The following WDR43 variants were observed in gnomAD, a reference collection of about 807,000 sequenced individuals.
WDR43 encodes WD repeat domain 43, also known as WD repeat-containing protein 43.
Under a neutral mutation model 91.4 loss-of-function variants are expected in WDR43, and 13 were observed. That is an observed-to-expected ratio of 0.14 (90% CI 0.09 to 0.23). The LOEUF is 0.23. Ranked by LOEUF, WDR43 falls within the 10% of genes least tolerant of loss-of-function variation. WDR43 has a pLI of 1.00. For missense variants in WDR43, 780 were observed against 809.4 expected, an observed-to-expected ratio of 0.96 and a Z score of 0.44; for synonymous variants, 331 against 287.9, an observed-to-expected ratio of 1.15 and a Z score of -1.51.
intron 7 of WDR43, among the ~76,000 whole-genome samples, chr2:28,923,705 C>A (rs1304782037): frequency 6.6e-6 from 1 of 151,980 alleles, no homozygotes; most frequent in Non-Finnish European, 1.5e-5. Flanking sequence ...CCTGAGTCTC[C>A]CTCCATTGAG....
At chr2:28,910,087 T>C (rs557619693) in intron 3 of WDR43, among the ~76,000 whole-genome samples, 1 of 152,218 alleles carries the variant, frequency 6.6e-6, no homozygotes, top group South Asian at 2.1e-4. Flanking sequence ...AGATCTGATT[T>C]AGTAGGTGTA....
chr2:28,917,996 G>A lies in WDR43; in HGVS notation c.849+1G>A. ...AACTTTGTCAGAAAACAAAGAAGAG[G>A]TAAATGGCTCGATTTTTGAGAATTT... On this transcript the variant is annotated splice_donor_variant, in intron 6 of 17. Transcript: ENST00000407426. LOFTEE classifies it high-confidence loss of function. 6.4e-7 allele frequency: 1 copy of A among 1,563,188 alleles called. No individual in the cohort carries two copies.
chr2:28,930,183 G>C (rs867742592), intron 11 of WDR43: 1 of 454,510 alleles, frequency 2.2e-6, no homozygotes, highest in South Asian at 1.6e-5. Flanking sequence ...AAGAGGGTTG[G>C]GGGTTATGTT....
At chr2:28,944,318 G>C (rs1345272246) in intron 16 of WDR43, among the ~76,000 whole-genome samples, 2 of 152,040 alleles carry the variant, frequency 1.3e-5, no homozygotes, top group Non-Finnish European at 2.9e-5. Context: ...TGTAATGGAT[G>C]GGCATTTGTA....
chr2:28,945,144 T>C (rs971848414), intron 16 of WDR43, among the ~76,000 whole-genome samples: 8 of 152,176 alleles, frequency 5.3e-5, no homozygotes, highest in African/African-American at 1.9e-4. Context: ...GGAATGGGCT[T>C]AGGGAGATGG....
chr2:28,896,813 T>C (rs1670489169), intron 1 of WDR43, among the ~76,000 whole-genome samples: 1 of 152,204 alleles, frequency 6.6e-6, no homozygotes, highest in South Asian at 2.1e-4. Context: ...CTTTGTCATA[T>C]TGAGCAAGTT....
At chr2:28,914,473 A>C (rs1412339398) in intron 5 of WDR43, among the ~76,000 whole-genome samples, 1 of 152,362 alleles carries the variant, frequency 6.6e-6, no homozygotes, top group East Asian at 1.9e-4. Context: ...ATATCTTTTA[A>C]AAAATTTAGA....
intron 15 of WDR43, 82 bp downstream of exon 15, chr2:28,941,656 G>A (rs1671439403): frequency 2.8e-6 from 3 of 1,088,328 alleles, no homozygotes; most frequent in Middle Eastern, 2.0e-4. Context: ...TTTGAGACAG[G>A]GTCTTGCTCT....
intron 6 of WDR43, among the ~76,000 whole-genome samples, chr2:28,918,697 T>C (rs4497831): frequency 0.67 from 102,509 of 151,970 alleles, 35,190 homozygotes; most frequent in East Asian, 0.85. Context: ...ATAAGAGTGA[T>C]GTCCTCTTGT....
At chr2:28,936,383 C>T (rs187324837) in intron 12 of WDR43, among the ~76,000 whole-genome samples, 2 of 151,854 alleles carry the variant, frequency 1.3e-5, no homozygotes, top group African/African-American at 4.8e-5. Flanking sequence ...GGCTGGTGTA[C>T]CATTATTGGT....
Position 28,946,854 on chromosome 2 carries a change from CAGGATGCCA to C in WDR43, c.*80_*88del. On this transcript the variant is annotated 3_prime_UTR_variant, in exon 18 of 18. Transcript: ENST00000407426. ...CCAGTGGTGAGGGCTGCCTCTGTGC[CAGGATGCCA>C]AGGACCGCTGCACATTTCCAAATTC... 6.9e-7 allele frequency: 1 copy of C among 1,449,458 alleles called. No homozygotes were observed. The highest frequency in any genetic ancestry group is 9.1e-7 in the Non-Finnish European group (1 of 1,103,082). The allele number at this position is 1,449,458 out of a possible 1,614,324, so 89.8% of individuals were successfully genotyped here.
At chr2:28,897,969 CTCTA>C (rs1435113798) in intron 1 of WDR43, among the ~76,000 whole-genome samples, 24 of 152,140 alleles carry the variant, frequency 1.6e-4, no homozygotes, top group African/African-American at 5.5e-4. Context: ...AATGGAGGGA[CTCTA>C]TCTAGATGGA....
At chr2:28,922,390 G>A (rs1671047192) in intron 6 of WDR43, among the ~76,000 whole-genome samples, 1 of 152,146 alleles carries the variant, frequency 6.6e-6, no homozygotes, top group Non-Finnish European at 1.5e-5. Context: ...GCAAGAGTCT[G>A]GTAGGTAGGA....
intron 4 of WDR43, among the ~76,000 whole-genome samples, chr2:28,913,469 A>G (rs1352932195): frequency 1.3e-5 from 2 of 152,210 alleles, no homozygotes; most frequent in Non-Finnish European, 2.9e-5. Context: ...AGCTGGGAGT[A>G]TAGGCGCTTG....
rs371269206 is a variant in WDR43, at chr2:28,906,678, AC to A, written c.485+98del. On this transcript the variant is annotated intron_variant, in intron 3 of 17. Coordinates refer to ENST00000407426, the MANE Select transcript of WDR43 (RefSeq NM_015131.3). The stretch of plus-strand genomic sequence containing the variant: ...ATTAATAAGGTTATAGGTTCCATTT[AC>A]AAAGAACTTTTAATCAAATCGAGCA... 1,461 of 1,379,874 alleles carry A rather than the reference AC, an allele frequency of 1.1e-3. 8 individuals carry two copies. Among genetic ancestry groups the A allele is most frequent in the African/African-American group, 9.4e-3 (644 of 68,198 alleles). 85.5% of individuals were successfully genotyped at this position (1,379,874 alleles called of 1,614,324 possible).
chr2:28,931,885 T>G (rs1671254766), intron 11 of WDR43, among the ~76,000 whole-genome samples: 1 of 150,728 alleles, frequency 6.6e-6, no homozygotes, highest in Non-Finnish European at 1.5e-5. Flanking sequence ...TTTTTTTTTT[T>G]TTTTTTTAAA....
intron 2 of WDR43, among the ~76,000 whole-genome samples, chr2:28,902,553 G>T (rs1231134328): frequency 6.6e-6 from 1 of 152,222 alleles, no homozygotes; most frequent in African/African-American, 2.4e-5. Context: ...TTCAAACTGA[G>T]AAGGAGGCTC....
At chr2:28,916,463 A>G (rs1439266503) in intron 5 of WDR43, among the ~76,000 whole-genome samples, 1 of 152,036 alleles carries the variant, frequency 6.6e-6, no homozygotes, top group Non-Finnish European at 1.5e-5. Context: ...GGGTAGTGGT[A>G]TTTTGTGTTG....
In WDR43 at chr2:28,925,096, C is replaced by G; in HGVS notation, c.1029C>G (p.Asp343Glu). 1 of 1,613,914 alleles carries G rather than the reference C, an allele frequency of 6.2e-7. No individual in the cohort carries two copies. Among genetic ancestry groups the G allele is most frequent in the Non-Finnish European group, 8.5e-7 (1 of 1,179,868 alleles). Reference sequence around the variant, plus strand: ...TTCTAGCTGCTGGTTTTTGCTCAGACAAAATGTCATTGTTGCTTGTATATG... The same window carrying G: ...TTCTAGCTGCTGGTTTTTGCTCAGAGAAAATGTCATTGTTGCTTGTATATG... ...IPILAAGFCS[D>E]KMSLLLVYGS... Residue 343 changes from aspartate (D) to glutamate (E), a missense_variant, in exon 8 of 18, where the codon GAC (aspartate) becomes GAG (glutamate). Asp to Glu is a conservative substitution (Grantham distance 45). This residue lies in a region of WDR43 where 426 missense variants were observed against 467.8 expected (regional missense o/e 0.91). Coordinates refer to ENST00000407426, the MANE Select transcript of WDR43 (RefSeq NM_015131.3).
Sources: gnomAD v4.1 joint callset for allele counts (sites outside exome capture counted in the v4.1 genomes callset) on GRCh38, gnomAD v4.1.1 for gene constraint, gnomAD v4.1.1 regional missense constraint, MANE v1.5 for transcripts, NCBI Gene and HGNC (gene_info 2026-07-23, HGNC 2026-07-21) for gene names.